PKHD1: variants seen among roughly 807,000 people sequenced by gnomAD.
PKHD1 encodes PKHD1 ciliary IPT domain containing fibrocystin/polyductin, also known as fibrocystin.
In PKHD1, 291 loss-of-function variants were observed where a neutral mutation model predicts 412.0. The observed-to-expected ratio is 0.71, with a 90% confidence interval of 0.64 to 0.78. The LOEUF is 0.78. PKHD1 is among the 30% of genes least tolerant of loss of function. The pLI, the probability that PKHD1 is intolerant of heterozygous loss-of-function variation, is 0.00. For missense variants in PKHD1, 4,825 were observed against 4,950.7 expected, an observed-to-expected ratio of 0.97 and a Z score of 0.76; for synonymous variants, 1,777 against 1,821.5, an observed-to-expected ratio of 0.98 and a Z score of 0.62.
chr6:52,009,682 C>A (rs1035873191), intron 35 of PKHD1, among the ~76,000 whole-genome samples: 1 of 152,044 alleles, frequency 6.6e-6, no homozygotes, highest in African/African-American at 2.4e-5. Context: ...CGCAAATTCC[C>A]GGGGAAGGCT....
In PKHD1 at chr6:52,062,519, C is replaced by T; in HGVS notation, c.1118G>A (p.Arg373Lys). 6.2e-7 allele frequency: 1 copy of T among 1,613,974 alleles called. No homozygotes were observed. The highest frequency in any genetic ancestry group is 8.5e-7 in the Non-Finnish European group (1 of 1,179,884). Residue 373 changes from arginine (R) to lysine (K), a missense_variant and splice_region_variant, in exon 14 of 67, where the codon AGA (arginine) becomes AAA (lysine). Coordinates refer to ENST00000371117, the MANE Select transcript of PKHD1 (RefSeq NM_138694.4). ...GFWSQEGQPF[R>K]ARLSGFFVAP... Reference sequence around the variant, plus strand: ...GGCTCCCACTTTTCCTACAACATACCTGAAAGGTTGTCCTTCCTGTGACCA... The same window carrying T: ...GGCTCCCACTTTTCCTACAACATACTTGAAAGGTTGTCCTTCCTGTGACCA...
intron 60 of PKHD1, among the ~76,000 whole-genome samples, chr6:51,694,802 T>C (rs1778602601): frequency 6.6e-6 from 1 of 152,124 alleles, no homozygotes; most frequent in South Asian, 2.1e-4. Context: ...CAGACTGTGC[T>C]GAGTAAACTG....
chr6:52,048,698 G>T, intron 22 of PKHD1, 79 bp from the exon 23 acceptor site: 1 of 1,553,718 alleles, frequency 6.4e-7, no homozygotes, highest in Non-Finnish European at 8.8e-7. Flanking sequence ...AGGATGTCCT[G>T]TCTTGCTTAG....
rs142107837 is a variant in PKHD1 at position 52,028,349 on chromosome 6, C to T, written c.3367G>A (p.Gly1123Ser). The T allele has an allele frequency of 2.0e-5, 32 of 1,613,162 alleles. No homozygotes were observed. Among genetic ancestry groups the T allele is most frequent in the Non-Finnish European group, 2.5e-5 (29 of 1,179,900 alleles). The change falls in exon 30 of 67, where the codon GGT becomes AGT. Residue 1123 changes from glycine (G) to serine (S), a missense_variant and splice_region_variant. Transcript: ENST00000371117. ...GCCACTCCAATGACCAGGGTCTCACCGCCTGTGTTGAGAAGAATCCAATAG... is the reference window on the plus strand; with the variant it reads ...GCCACTCCAATGACCAGGGTCTCACTGCCTGTGTTGAGAAGAATCCAATAG... ...LSRNISNIAG[G>S]ETLVIGVARL...
chr6:51,699,199 T>C (rs1345007936), intron 60 of PKHD1, among the ~76,000 whole-genome samples: 1 of 152,184 alleles, frequency 6.6e-6, no homozygotes, highest in African/African-American at 2.4e-5. Context: ...AAAACAATTC[T>C]CTCATCTCCC....
chr6:51,732,927 G>C (rs1365848515), intron 60 of PKHD1, among the ~76,000 whole-genome samples: 1 of 152,174 alleles, frequency 6.6e-6, no homozygotes, highest in Non-Finnish European at 1.5e-5. Context: ...AATGTGGTAA[G>C]TTCATGCAAT....
chr6:51,942,308 T>C (rs539445128), intron 36 of PKHD1, among the ~76,000 whole-genome samples: 2 of 151,758 alleles, frequency 1.3e-5, no homozygotes, highest in African/African-American at 2.4e-5. Flanking sequence ...TGTAGCCTTT[T>C]TATCCAAACA....
At chr6:51,755,079 G>A (rs1467917177) in intron 55 of PKHD1, 141 bp from the exon 56 acceptor site, 4 of 791,438 alleles carry the variant, frequency 5.1e-6, no homozygotes, top group Middle Eastern at 3.5e-4. Flanking sequence ...CATGGCAGTG[G>A]AAAAAGGCTT....
intron 35 of PKHD1, among the ~76,000 whole-genome samples, chr6:51,966,102 G>C (rs1481467795): frequency 6.6e-6 from 1 of 152,072 alleles, no homozygotes; most frequent in Non-Finnish European, 1.5e-5. Context: ...ATCTGAGACA[G>C]GTCTCAGTTA....
At chr6:51,947,610 C>G (rs577466929) in intron 36 of PKHD1, among the ~76,000 whole-genome samples, 8 of 152,216 alleles carry the variant, frequency 5.3e-5, no homozygotes, top group Non-Finnish European at 1.2e-4. Flanking sequence ...CTTAGGCATC[C>G]TCTTCTCAGC....
At chr6:51,802,121 G>A (rs187771035) in intron 52 of PKHD1, among the ~76,000 whole-genome samples, 14 of 152,134 alleles carry the variant, frequency 9.2e-5, no homozygotes, top group African/African-American at 2.6e-4. Flanking sequence ...ATCTAGAGAC[G>A]GTGCTATGCT....
intron 61 of PKHD1, among the ~76,000 whole-genome samples, chr6:51,655,669 G>A (rs1771701831): frequency 6.6e-6 from 1 of 152,104 alleles, no homozygotes; most frequent in African/African-American, 2.4e-5. Context: ...TCCAGGGAGT[G>A]GGCCAGGAGT....
intron 52 of PKHD1, among the ~76,000 whole-genome samples, chr6:51,795,638 C>A (rs1032688516): frequency 1.3e-5 from 2 of 152,152 alleles, no homozygotes; most frequent in African/African-American, 4.8e-5. Flanking sequence ...GGCTTTTGCC[C>A]ATTCAATAGA....
At chr6:51,643,017 C>T (rs1212784774) in intron 63 of PKHD1, among the ~76,000 whole-genome samples, 2 of 151,972 alleles carry the variant, frequency 1.3e-5, no homozygotes. Context: ...TTCCAGTAGT[C>T]ATGTGAGAGT....
chr6:52,052,367 G>A (rs1806998907), intron 21 of PKHD1, among the ~76,000 whole-genome samples: 1 of 152,238 alleles, frequency 6.6e-6, no homozygotes, highest in African/African-American at 2.4e-5. Context: ...GCGGGCAAGA[G>A]CCAGGTGAGA....
At chr6:51,853,093 G>T (rs991705804) in intron 49 of PKHD1, among the ~76,000 whole-genome samples, 1 of 152,116 alleles carries the variant, frequency 6.6e-6, no homozygotes, top group East Asian at 1.9e-4. Flanking sequence ...CTCTTGCAGG[G>T]CAGGTCTGGT....
rs536872994 is a variant in PKHD1, at chr6:51,670,312, C to T, written c.10157-10343G>A. On this transcript the variant is annotated intron_variant, in intron 60 of 66. Transcript: ENST00000371117. The stretch of plus-strand genomic sequence containing the variant: ...TTTACCATTATGTAATGGCCTTCTT[C>T]GTCTCTTTTGATCTTTGTTGGTTTA... Among the ~76,000 whole-genome samples, 629 of 152,150 alleles carry T rather than the reference C, an allele frequency of 4.1e-3. 5 individuals are homozygous for T. Among genetic ancestry groups the T allele is most frequent in the African/African-American group, 0.012 (483 of 41,486 alleles).
At chr6:51,762,889 C>T (rs149016673) in intron 55 of PKHD1, among the ~76,000 whole-genome samples, 5 of 152,156 alleles carry the variant, frequency 3.3e-5, no homozygotes, top group East Asian at 1.9e-4. Flanking sequence ...AATATGCTAT[C>T]ATCAGGGAAC....
chr6:51,786,385 C>T (rs1462905486), intron 53 of PKHD1, among the ~76,000 whole-genome samples: 5 of 152,142 alleles, frequency 3.3e-5, no homozygotes, highest in Non-Finnish European at 5.9e-5. Flanking sequence ...TCTCACTTTT[C>T]ACTGTGTCCC....
Sources: gnomAD v4.1 joint callset for allele counts (sites outside exome capture counted in the v4.1 genomes callset) on GRCh38, gnomAD v4.1.1 for gene constraint, MANE v1.5 for transcripts, NCBI Gene and HGNC (gene_info 2026-07-23, HGNC 2026-07-21) for gene names.